The following CRB2 variants were observed in gnomAD, a reference collection of about 807,000 sequenced individuals.
CRB2 encodes the protein protein crumbs homolog 2.
Under a neutral mutation model 110.9 loss-of-function variants are expected in CRB2, and 85 were observed. That is an observed-to-expected ratio of 0.77 (90% CI 0.64 to 0.92). CRB2 has a LOEUF of 0.92. Among genes scored for constraint, CRB2 ranks in the 40% least tolerant of loss-of-function variants. The probability of loss-of-function intolerance (pLI) is 0.00; values close to 1 mark genes in which losing one functional copy is unlikely to be tolerated. For missense variants in CRB2, 1,843 were observed against 1,851.3 expected, an observed-to-expected ratio of 1.00 and a Z score of 0.08; for synonymous variants, 907 against 831.0, an observed-to-expected ratio of 1.09 and a Z score of -1.57.
chr9:123,362,992 G>A lies in CRB2; in HGVS notation c.222G>A (p.Gln74=), dbSNP rs771416522. ...GPMEPRGCAT[Q]PCHHGALCVP... ...TGGAGCCCCGGGGCTGTGCCACCCAGCCATGCCACCACGGCGCTCTGTGTG... is the reference window on the plus strand; with the variant it reads ...TGGAGCCCCGGGGCTGTGCCACCCAACCATGCCACCACGGCGCTCTGTGTG... Residue 74 remains glutamine, a synonymous_variant, in exon 2 of 13, where the codon CAG becomes CAA. Transcript: ENST00000373631. 1 of 1,612,578 alleles carries A rather than the reference G, an allele frequency of 6.2e-7. No individual in the cohort carries two copies. Among genetic ancestry groups the A allele is most frequent in the Admixed American group, 1.7e-5 (1 of 60,020 alleles).
Position 123,356,206 on chromosome 9 carries a change from G to T in CRB2, c.-55G>T. The T allele has an allele frequency of 7.7e-7, 1 of 1,291,004 alleles. No individual in the cohort carries two copies. Among genetic ancestry groups the T allele is most frequent in the Non-Finnish European group, 1.0e-6 (1 of 976,280 alleles). The allele number at this position is 1,291,004 out of a possible 1,614,324, so 80.0% of individuals were successfully genotyped here. ...GAGGGACGAGGGGGGTGCGGAGCCA[G>T]CCAGGCCGCCCTCCCGTTCTCACAG... is the stretch of plus-strand genomic sequence containing the variant. On this transcript the variant is annotated 5_prime_UTR_variant, in exon 1 of 13. Coordinates refer to ENST00000373631, the MANE Select transcript of CRB2 (RefSeq NM_173689.7).
rs1457057083 is a variant in CRB2 at position 123,373,867 on chromosome 9, C to A, written c.3336C>A (p.Pro1112=). 2 of 1,552,560 alleles carry A rather than the reference C, an allele frequency of 1.3e-6. No individual in the cohort carries two copies. The highest frequency in any genetic ancestry group is 1.7e-6 in the Non-Finnish European group (2 of 1,153,240). The part of the protein sequence containing the change: ...PCARGRCHTH[P]DGRFECRCPP... Reference sequence around the variant, plus strand: ...CCCGTGGCCGCTGTCACACGCACCCCGACGGCCGCTTCGAGTGCCGCTGCC... The same window carrying A: ...CCCGTGGCCGCTGTCACACGCACCCAGACGGCCGCTTCGAGTGCCGCTGCC... The change falls in exon 10 of 13, where the codon CCC becomes CCA. Residue 1112 remains proline (P), a synonymous_variant. Coordinates refer to ENST00000373631, the MANE Select transcript of CRB2 (RefSeq NM_173689.7).
chr9:123,359,452 T>G (rs61360336), intron 1 of CRB2, among the ~76,000 whole-genome samples: 13,920 of 132,580 alleles, frequency 0.1, 1,075 homozygotes, highest in Admixed American at 0.19. Flanking sequence ...TTTTTTTTTT[T>G]TTTTTTTTTT....
chr9:123,361,529 G>A (rs1484485205), intron 1 of CRB2, among the ~76,000 whole-genome samples: 3 of 151,804 alleles, frequency 2.0e-5, no homozygotes, highest in Non-Finnish European at 2.9e-5. Context: ...GAAGGGTGCA[G>A]GGTCTGAGCT....
Position 123,366,253 on chromosome 9 carries a change from G to C in CRB2, c.641G>C (p.Gly214Ala). Residue 214 changes from glycine to alanine, a missense_variant, in exon 4 of 13, where the codon GGC becomes GCC. Coordinates refer to ENST00000373631, the MANE Select transcript of CRB2 (RefSeq NM_173689.7). ...NGFRCDCAGT[G>A]YEGTHCEREV... The stretch of plus-strand genomic sequence containing the variant: ...TTCCGGTGCGACTGCGCGGGCACCG[G>C]CTACGAGGGCACGCACTGCGAGCGG... The C allele has an allele frequency of 6.7e-7, 1 of 1,490,710 alleles. No individual in the cohort carries two copies. The highest frequency in any genetic ancestry group is 1.3e-5 in the South Asian group (1 of 78,534). 92.3% of individuals were successfully genotyped at this position (1,490,710 alleles called of 1,614,324 possible).
chr9:123,376,814 G>A (rs374356280), intron 12 of CRB2, 24 bp from the exon 13 acceptor site: 1 of 1,589,624 alleles, frequency 6.3e-7, no homozygotes, highest in African/African-American at 1.3e-5. Flanking sequence ...GCGGTCTTAG[G>A]CCTCGGTGTC....
rs1002703287 is a variant in CRB2 at position 123,366,236 on chromosome 9, C to T, written c.624C>T (p.Cys208=). The change falls in exon 4 of 13, where the codon TGC becomes TGT. Residue 208 remains cysteine (C), a synonymous_variant. Transcript: ENST00000373631. ...GGTGCGCCCTCCCCAGGTTCCGGTG[C>T]GACTGCGCGGGCACCGGCTACGAGG... ...TCHDLVNGFR[C]DCAGTGYEGT... 4.1e-6 allele frequency: 6 copies of T among 1,466,778 alleles called. No homozygotes were observed. The highest frequency in any genetic ancestry group is 2.6e-5 in the South Asian group (2 of 75,678). The allele number at this position is 1,466,778 out of a possible 1,614,324, so 90.9% of individuals were successfully genotyped here. A position where few individuals can be genotyped will look rare whatever the true frequency, so the allele number is the denominator to read the frequency against.
intron 1 of CRB2, among the ~76,000 whole-genome samples, chr9:123,359,465 T>TTTTTTTTTTTTTTTTTTTG (rs2041842272): frequency 6.9e-6 from 1 of 145,482 alleles, no homozygotes; most frequent in Admixed American, 6.9e-5. Flanking sequence ...TTTTTTTTTT[T>TTTTTTTTTTTTTTTTTTTG]TAAGAAAGGG....
At position 123,357,100 on chromosome 9, in the gene CRB2, T is replaced by C. The variant is rs537805978; in HGVS notation, c.94+746T>C. ...GGGGATGCTCTGGGTCCCTGTGGGG[T>C]GGCTGGGGATTTGGGAACATGTGTG... On this transcript the variant is annotated intron_variant, in intron 1 of 12. Coordinates refer to ENST00000373631, the MANE Select transcript of CRB2 (RefSeq NM_173689.7). 2.6e-5 allele frequency among the ~76,000 whole-genome samples: 4 copies of C among 152,058 alleles called. No individual in the cohort carries two copies. The East Asian group carries it at 5.8e-4, about 22-fold the overall frequency.
chr9:123,373,506 A>G lies in CRB2; in HGVS notation c.2975A>G (p.Asp992Gly). ...GTGGCGCTGCGCGGCCTGGCCAGTG[A>G]CCTGGGCTTCCTGCAGGGCCCGGGT... is the stretch of plus-strand genomic sequence containing the variant. ...TPVALRGLASDLGFLQGPGAV... is the reference protein window; with the variant it reads ...TPVALRGLASGLGFLQGPGAV... Residue 992 changes from aspartate (D) to glycine (G), a missense_variant, in exon 10 of 13, where the codon GAC becomes GGC. Coordinates refer to ENST00000373631, the MANE Select transcript of CRB2 (RefSeq NM_173689.7). 1 of 1,469,518 alleles carries G rather than the reference A, an allele frequency of 6.8e-7. No individual in the cohort carries two copies. The highest frequency in any genetic ancestry group is 8.9e-7 in the Non-Finnish European group (1 of 1,118,768). The allele number at this position is 1,469,518 out of a possible 1,614,324, so 91.0% of individuals were successfully genotyped here.
At chr9:123,379,395 C>T (rs896743076), downstream of CRB2, among the ~76,000 whole-genome samples, 19 of 152,248 alleles carry the variant, frequency 1.2e-4, no homozygotes, top group Non-Finnish European at 2.2e-4. Flanking sequence ...TCGTTGGAGG[C>T]CTGCAGTCTG....
In CRB2 at chr9:123,370,257, G is replaced by C; in HGVS notation, c.1204G>C (p.Gly402Arg). The change falls in exon 7 of 13, where the codon GGC becomes CGC. Residue 402 changes from glycine (G) to arginine (R), a missense_variant. By Grantham distance (125) the Gly-to-Arg change is moderately radical (BLOSUM62 -2). Coordinates refer to ENST00000373631, the MANE Select transcript of CRB2 (RefSeq NM_173689.7). ...TTCTGTGCAGCTCACTGGCTGCCAG[G>C]GCCACACCTGCCCGCTGGCTGCCAC... ...DCSVQLTGCQ[G>R]HTCPLAATCI... is the part of the protein sequence containing the mutation. 6.2e-7 allele frequency: 1 copy of C among 1,613,312 alleles called. No homozygotes were observed. Among genetic ancestry groups the C allele is most frequent in the Non-Finnish European group, 8.5e-7 (1 of 1,180,008 alleles).
chr9:123,363,293 C>CTGGGGGCGT, intron 2 of CRB2, 105 bp downstream of exon 2: 1 of 1,221,464 alleles, frequency 8.2e-7, no homozygotes, highest in Non-Finnish European at 1.1e-6. Context: ...GTAGGGACGC[C>CTGGGGGCGT]CCCAGGCATC....
chr9:123,372,990 G>A (rs765180930), intron 9 of CRB2, 144 bp from the exon 10 acceptor site: 3 of 634,922 alleles, frequency 4.7e-6, no homozygotes, highest in Non-Finnish European at 7.5e-6. Context: ...GGGGGCGGCT[G>A]CAGTTTCCAG....
chr9:123,365,682 C>T (rs191685589), intron 2 of CRB2, among the ~76,000 whole-genome samples: 2 of 152,196 alleles, frequency 1.3e-5, no homozygotes, highest in Non-Finnish European at 2.9e-5. Context: ...AATCACCCCC[C>T]ACCATGTCCT....
downstream of CRB2, chr9:123,378,801 T>TTCTG (rs2042149507): frequency 1.6e-5 from 1 of 62,868 alleles, no homozygotes; most frequent in African/African-American, 7.7e-5. Context: ...GGTGCCTGTT[T>TTCTG]TTTGTTTTTT....
Position 123,370,987 on chromosome 9 carries a change from A to G in CRB2, c.1927+7A>G, listed in dbSNP as rs2042007106. 1 of 1,599,678 alleles carries G rather than the reference A, an allele frequency of 6.3e-7. No individual in the cohort carries two copies. Among genetic ancestry groups the G allele is most frequent in the Admixed American group, 1.7e-5 (1 of 59,296 alleles). On this transcript the variant is annotated splice_region_variant and intron_variant, in intron 7 of 12. Transcript: ENST00000373631. ...GGTCCCACGTGCGCTGATGGTGAGG[A>G]ATAAGCCAGGTGGGAAGGCAGCACC...
chr9:123,373,616 C>T lies in CRB2; in HGVS notation c.3085C>T (p.Pro1029Ser). Residue 1029 changes from proline (P) to serine (S), a missense_variant, in exon 10 of 13, where the codon CCC (proline) becomes TCC (serine). By Grantham distance (74) the Pro-to-Ser change is moderately conservative. Transcript: ENST00000373631. ...LGGLPLPLAR[P>S]RPGAAPGARE... is the part of the protein sequence containing the mutation. ...CGGCCTGCCCCTGCCCTTGGCGCGG[C>T]CCCGGCCCGGCGCGGCCCCTGGCGC... 1 of 1,362,200 alleles carries T rather than the reference C, an allele frequency of 7.3e-7. No homozygotes were observed. The highest frequency in any genetic ancestry group is 9.4e-7 in the Non-Finnish European group (1 of 1,065,242). 84.4% of individuals were successfully genotyped at this position (1,362,200 alleles called of 1,614,324 possible).
intron 8 of CRB2, 77 bp from the exon 9 acceptor site, chr9:123,372,100 G>A: frequency 2.8e-6 from 4 of 1,434,034 alleles, no homozygotes; most frequent in South Asian, 1.2e-5. Context: ...GCTCAGCGAA[G>A]AAGCACTGCA....
Sources: allele counts gnomAD v4.1 joint callset (sites outside exome capture counted in the v4.1 genomes callset), GRCh38; gene constraint gnomAD v4.1.1; transcripts MANE v1.5; gene names NCBI Gene and HGNC (gene_info 2026-07-23, HGNC 2026-07-21).